The following ADGRF5 variants were observed in gnomAD, a reference collection of about 807,000 sequenced individuals.
ADGRF5 encodes the protein G-protein coupled receptor 116.
Under a neutral mutation model 132.3 loss-of-function variants are expected in ADGRF5, and 75 were observed. That is an observed-to-expected ratio of 0.57 (90% confidence interval 0.47 to 0.69). The LOEUF is 0.69. ADGRF5 is among the 30% of genes least tolerant of loss of function. The pLI, the probability that ADGRF5 is intolerant of heterozygous loss-of-function variation, is 0.00. For missense variants in ADGRF5, 1,516 were observed against 1,630.6 expected (o/e 0.93, Z 1.21); for synonymous variants, 629 against 597.6 (o/e 1.05, Z -0.77).
At chr6:46,869,147 G>A (rs1481620089) in intron 11 of ADGRF5, 55 bp from the exon 12 acceptor site, 1 of 1,561,914 alleles carries the variant, frequency 6.4e-7, no homozygotes, top group Non-Finnish European at 8.7e-7. Flanking sequence ...TCAATGTGTA[G>A]TATCTCTGGG....
At chr6:46,947,393 T>C (rs1561842843) in intron 1 of ADGRF5, among the ~76,000 whole-genome samples, 1 of 152,252 alleles carries the variant, frequency 6.6e-6, no homozygotes, top group East Asian at 1.9e-4. Flanking sequence ...CAATACGTTT[T>C]GTGCTTTACC....
At chr6:46,937,125 TG>T (rs1283028737) in intron 1 of ADGRF5, among the ~76,000 whole-genome samples, 1 of 152,146 alleles carries the variant, frequency 6.6e-6, no homozygotes, top group East Asian at 1.9e-4. Flanking sequence ...GGACCTTGAC[TG>T]ATACAGAAAT....
intron 10 of ADGRF5, among the ~76,000 whole-genome samples, chr6:46,873,250 A>G (rs765832884): frequency 2.6e-5 from 4 of 151,962 alleles, no homozygotes; most frequent in Non-Finnish European, 5.9e-5. Flanking sequence ...CTCCCTAGCC[A>G]CCACTGCATT....
In ADGRF5 at chr6:46,858,561, G is replaced by A; in HGVS notation, c.3342C>T (p.Arg1114=). 6.2e-7 allele frequency: 1 copy of A among 1,613,940 alleles called. No individual in the cohort carries two copies. Among genetic ancestry groups the A allele is most frequent in the Non-Finnish European group, 8.5e-7 (1 of 1,179,910 alleles). The change falls in exon 17 of 21, where the codon CGC becomes CGT. Residue 1114 remains arginine (R), a synonymous_variant. Transcript: ENST00000283296. ...TTGTTTCATGCAGAATGAAAACCAG[G>A]CGATAGAACAGCATGAGGCCCAGTG... ...MLTLGLMLFY[R]LVFILHETSR... is the part of the protein sequence containing the mutation.
intron 1 of ADGRF5, among the ~76,000 whole-genome samples, chr6:46,947,833 G>C (rs895937794): frequency 1.3e-5 from 2 of 152,262 alleles, no homozygotes; most frequent in Middle Eastern, 3.4e-3. Flanking sequence ...CTTGGAGGGG[G>C]GACCTGGACA....
At chr6:46,937,287 C>T (rs947219860) in intron 1 of ADGRF5, among the ~76,000 whole-genome samples, 1 of 150,870 alleles carries the variant, frequency 6.6e-6, no homozygotes, top group Non-Finnish European at 1.5e-5. Context: ...CATCAAGCCC[C>T]TCTTTCTCCC....
chr6:46,931,950 A>G (rs1777575317), intron 1 of ADGRF5, among the ~76,000 whole-genome samples: 1 of 152,216 alleles, frequency 6.6e-6, no homozygotes, highest in African/African-American at 2.4e-5. Context: ...AAAGACTAAA[A>G]CAGAATCAAT....
Position 46,859,108 on chromosome 6 carries a change from G to T in ADGRF5, c.2795C>A (p.Thr932Lys), listed in dbSNP as rs529657353. ...CATTGAAATCCTGAATGGCATAGTTGTATTGTGGCTGACAGTGGTTGTCAT... is the reference window on the plus strand; with the variant it reads ...CATTGAAATCCTGAATGGCATAGTTTTATTGTGGCTGACAGTGGTTGTCAT... ...LVMTTTVSHNTTMPFRISMTF... is the reference protein window; with the variant it reads ...LVMTTTVSHNKTMPFRISMTF... The change falls in exon 17 of 21, where the codon ACA becomes AAA. Residue 932 changes from threonine to lysine, a missense_variant. Thr to Lys is a moderately conservative substitution (Grantham distance 78, BLOSUM62 -1). Transcript: ENST00000283296. 6.2e-7 allele frequency: 1 copy of T among 1,613,726 alleles called. No homozygotes were observed. The highest frequency in any genetic ancestry group is 1.3e-5 in the African/African-American group (1 of 74,916).
chr6:46,906,989 G>C (rs560848730), intron 1 of ADGRF5, among the ~76,000 whole-genome samples: 1 of 152,160 alleles, frequency 6.6e-6, no homozygotes, highest in South Asian at 2.1e-4. Flanking sequence ...AGGGGAATGC[G>C]GGTTGATAGG....
intron 15 of ADGRF5, 99 bp downstream of exon 15, chr6:46,862,789 A>G (rs1328544017): frequency 9.0e-6 from 6 of 669,980 alleles, no homozygotes; most frequent in Non-Finnish European, 1.5e-5. Flanking sequence ...TTGGAGCAAC[A>G]CAAAGCAGCA....
At chr6:46,870,827 G>A (rs1186396112) in intron 11 of ADGRF5, 3 of 438,126 alleles carry the variant, frequency 6.8e-6, no homozygotes, top group Non-Finnish European at 9.1e-6. Context: ...TTACCTGAAA[G>A]CATTATTTCG....
At chr6:46,874,584 T>A (rs1181574268) in intron 10 of ADGRF5, among the ~76,000 whole-genome samples, 1 of 152,162 alleles carries the variant, frequency 6.6e-6, no homozygotes, top group Non-Finnish European at 1.5e-5. Flanking sequence ...TTAACAGACA[T>A]TCAGGATTTT....
At chr6:46,863,342 C>T in intron 14 of ADGRF5, 3 of 574,422 alleles carry the variant, frequency 5.2e-6, no homozygotes, top group Non-Finnish European at 9.8e-6. Context: ...ATACCTTCAT[C>T]TGGAGATTCT....
chr6:46,870,847 C>T (rs1236201773), intron 11 of ADGRF5: 1 of 446,812 alleles, frequency 2.2e-6, no homozygotes, highest in Non-Finnish European at 4.5e-6. Flanking sequence ...GCTAGAAGAG[C>T]TCATGAGTAT....
intron 10 of ADGRF5, among the ~76,000 whole-genome samples, chr6:46,875,833 AC>A (rs539149415): frequency 1.1e-3 from 172 of 152,246 alleles, no homozygotes; most frequent in African/African-American, 3.8e-3. Context: ...AGAGTTGAAT[AC>A]ATTGAATCTA....
chr6:46,896,360 G>T (rs538609809), intron 3 of ADGRF5, among the ~76,000 whole-genome samples: 2 of 152,108 alleles, frequency 1.3e-5, no homozygotes, highest in East Asian at 3.9e-4. Flanking sequence ...TTTCATGCAG[G>T]CTTCTTTTTC....
intron 7 of ADGRF5, 62 bp downstream of exon 7, chr6:46,881,987 T>G: frequency 8.3e-7 from 1 of 1,204,234 alleles, no homozygotes; most frequent in Non-Finnish European, 1.2e-6. Context: ...GGGGTTTACC[T>G]CCTTCACTAC....
rs150959951 is a variant in ADGRF5 at position 46,883,629 on chromosome 6, C to T, written c.542G>A (p.Gly181Asp). The T allele has an allele frequency of 5.1e-4, 818 of 1,603,172 alleles. No homozygotes were observed. Among genetic ancestry groups the T allele is most frequent in the Non-Finnish European group, 6.6e-4 (778 of 1,175,918 alleles). Residue 181 changes from glycine (G) to aspartate (D), a missense_variant, in exon 6 of 21, where the codon GGC becomes GAC. By Grantham distance (94) the Gly-to-Asp change is moderately conservative (BLOSUM62 -1). Coordinates refer to ENST00000283296, the MANE Select transcript of ADGRF5 (RefSeq NM_001098518.2). ...TLNMRVRLNVGFQEDLMNTSS... is the reference protein window; with the variant it reads ...TLNMRVRLNVDFQEDLMNTSS... ...AGTGTTCATGAGGTCTTCTTGAAAG[C>T]CTACATTTAGTCTGACTCTCATGTT...
At chr6:46,924,497 T>C (rs939525182), upstream of ADGRF5, among the ~76,000 whole-genome samples, 1 of 152,196 alleles carries the variant, frequency 6.6e-6, no homozygotes, top group African/African-American at 2.4e-5. Context: ...CATAGCTCAG[T>C]CTTTGAAACC....
Sources: allele counts gnomAD v4.1 joint callset (sites outside exome capture counted in the v4.1 genomes callset), GRCh38; gene constraint gnomAD v4.1.1; transcripts MANE v1.5; gene names NCBI Gene and HGNC (gene_info 2026-07-23, HGNC 2026-07-21).